The following CPNE3 variants were observed in gnomAD, a reference collection of about 807,000 sequenced individuals.
CPNE3 encodes the protein copine 3.
In CPNE3, 68 loss-of-function variants were observed where a neutral mutation model predicts 63.9. The observed-to-expected ratio is 1.06, with a 90% CI of 0.87 to 1.30. CPNE3 has a LOEUF of 1.30. CPNE3 is among the 50% of genes most tolerant of loss of function. The probability of loss-of-function intolerance (pLI) is 0.00; values close to 1 mark genes in which losing one functional copy is unlikely to be tolerated. For missense variants in CPNE3, 665 were observed against 578.1 expected (o/e 1.15, Z -1.54); for synonymous variants, 219 against 197.5 (o/e 1.11, Z -0.91).
chr8:86,514,641 C>T (rs1408991595), intron 1 of CPNE3, 100 bp downstream of exon 1: 1 of 152,228 alleles, frequency 6.6e-6, no homozygotes, highest in East Asian at 1.9e-4. Flanking sequence ...AGGATCCGAG[C>T]CCGCAGGCTC....
chr8:86,542,129 C>T (rs917384374), intron 8 of CPNE3, among the ~76,000 whole-genome samples: 2 of 152,192 alleles, frequency 1.3e-5, no homozygotes, highest in Non-Finnish European at 2.9e-5. Context: ...ATTCTTAAAA[C>T]TTTCTTGGTT....
At chr8:86,552,084 T>C (rs1222213631) in intron 14 of CPNE3, among the ~76,000 whole-genome samples, 2 of 152,062 alleles carry the variant, frequency 1.3e-5, no homozygotes, top group Non-Finnish European at 2.9e-5. Flanking sequence ...GACTAAAGAG[T>C]TTGGAGAAGG....
intron 16 of CPNE3, among the ~76,000 whole-genome samples, chr8:86,557,097 A>G (rs1020143045): frequency 6.6e-6 from 1 of 152,120 alleles, no homozygotes; most frequent in Non-Finnish European, 1.5e-5. Context: ...TCTCTGATAC[A>G]TAAGGCTACT....
At position 86,559,816 on chromosome 8, in the gene CPNE3, T is replaced by A. The variant is rs976292978; in HGVS notation, c.*1406T>A. On this transcript the variant is annotated 3_prime_UTR_variant, in exon 17 of 17. Transcript: ENST00000517490. ...TAATAATTTACCTTTTGAAATTGCATGTTTATCATATATCCTTAAGTGGAC... is the reference window on the plus strand; with the variant it reads ...TAATAATTTACCTTTTGAAATTGCAAGTTTATCATATATCCTTAAGTGGAC... The A allele has an allele frequency of 6.6e-6, 1 of 152,246 alleles. No homozygotes were observed. Among genetic ancestry groups the A allele is most frequent in the Admixed American group, 6.5e-5 (1 of 15,288 alleles). 9.4% of individuals were successfully genotyped at this position (152,246 alleles called of 1,614,324 possible). A position where few individuals can be genotyped will look rare whatever the true frequency, so the allele number is the denominator to read the frequency against.
At chr8:86,515,399 T>C (rs1820273603) in intron 1 of CPNE3, 63 bp from the exon 2 acceptor site, 1 of 152,226 alleles carries the variant, frequency 6.6e-6, no homozygotes, top group South Asian at 2.1e-4. Context: ...AGTTTTTATA[T>C]GTTAGGTTAT....
chr8:86,524,819 A>C (rs950885355), intron 2 of CPNE3: 3 of 120,526 alleles, frequency 2.5e-5, no homozygotes, highest in African/African-American at 6.1e-5. Flanking sequence ...CTACAGGTGC[A>C]TGCCACCTTG....
chr8:86,532,702 C>G lies in CPNE3; in HGVS notation c.459+122C>G, dbSNP rs191285369. On this transcript the variant is annotated intron_variant, in intron 6 of 16. Transcript: ENST00000517490. ...CATCACATAGGGTACTAGTTACTTTCAAATTTTGCATGTGTGTGTGTGTGT... is the reference window on the plus strand; with the variant it reads ...CATCACATAGGGTACTAGTTACTTTGAAATTTTGCATGTGTGTGTGTGTGT... The G allele has an allele frequency of 9.7e-5, 77 of 791,436 alleles. No individual in the cohort carries two copies. The African/African-American group carries it at 1.3e-3, about 14-fold the overall frequency. The allele number at this position is 791,436 out of a possible 1,614,324, so 49.0% of individuals were successfully genotyped here.
intron 7 of CPNE3, among the ~76,000 whole-genome samples, chr8:86,538,435 A>C (rs996917576): frequency 6.6e-6 from 1 of 152,188 alleles, no homozygotes; most frequent in Non-Finnish European, 1.5e-5. Context: ...CATTCTATAC[A>C]ATAATACTTG....
intron 8 of CPNE3, among the ~76,000 whole-genome samples, chr8:86,540,955 A>G (rs1241018273): frequency 6.6e-6 from 1 of 152,298 alleles, no homozygotes; most frequent in Non-Finnish European, 1.5e-5. Context: ...AAGAAAACTC[A>G]TGGAGTGGTG....
At chr8:86,557,205 A>G (rs1181351789) in intron 16 of CPNE3, among the ~76,000 whole-genome samples, 1 of 152,142 alleles carries the variant, frequency 6.6e-6, no homozygotes, top group African/African-American at 2.4e-5. Context: ...GCTGGAGTAC[A>G]GTACTGCAAC....
At chr8:86,529,202 A>G in intron 4 of CPNE3, 78 bp downstream of exon 4, 2 of 1,284,000 alleles carry the variant, frequency 1.6e-6, no homozygotes, top group Non-Finnish European at 2.2e-6. Flanking sequence ...GGTAAGCAGC[A>G]TTTAATTTTT....
chr8:86,517,502 T>C (rs541632993), intron 2 of CPNE3, among the ~76,000 whole-genome samples: 35 of 152,274 alleles, frequency 2.3e-4, no homozygotes, highest in African/African-American at 8.2e-4. Context: ...AAGAGGTACC[T>C]GCAACTGTAA....
rs533726540 is a variant in CPNE3, at chr8:86,520,427, C to T, written c.-11+4928C>T. ...AAAAATTAGCTGGGCGTGATGGCAG[C>T]GCCTGTAATCCCAGCAACTCAGGAG... On this transcript the variant is annotated intron_variant, in intron 2 of 16. Coordinates refer to ENST00000517490, the MANE Select transcript of CPNE3 (RefSeq NM_003909.5). 2.1e-3 allele frequency among the ~76,000 whole-genome samples: 302 copies of T among 145,682 alleles called. 3 individuals are homozygous for T. The highest frequency in any genetic ancestry group is 6.9e-3 in the Middle Eastern group (2 of 288).
At chr8:86,546,573 T>C (rs1821055501) in intron 9 of CPNE3, 22 bp from the exon 10 acceptor site, 3 of 1,602,368 alleles carry the variant, frequency 1.9e-6, no homozygotes, top group Non-Finnish European at 2.6e-6. Context: ...AAAAGTAACA[T>C]TTTTGTCTTC....
chr8:86,535,395 C>T (rs1416997561), intron 6 of CPNE3, among the ~76,000 whole-genome samples: 3 of 151,784 alleles, frequency 2.0e-5, no homozygotes, highest in Non-Finnish European at 4.4e-5. Context: ...AATTACTGGC[C>T]GGCCATGATG....
rs41333046 is a variant in CPNE3, at chr8:86,546,618, G to C, written c.756G>C (p.Glu252Asp). 0.018 allele frequency: 28,855 copies of C among 1,612,562 alleles called. 4,207 individuals are homozygous for C. In the African/African-American group the frequency reaches 0.33, roughly 18 times the overall value. The change falls in exon 10 of 17, where the codon GAG becomes GAC. Residue 252 changes from glutamate (E) to aspartate (D), a missense_variant. Physicochemically the swap from Glu to Asp is conservative, Grantham distance 45. Coordinates refer to ENST00000517490, the MANE Select transcript of CPNE3 (RefSeq NM_003909.5). ...AGGTTGAATTTGAATGCATAAATGA[G>C]AAAAAAAGGCAAAAGAAAAAAAGCT... ...SSPVEFECIN[E>D]KKRQKKKSYK...
intron 9 of CPNE3, 122 bp from the exon 10 acceptor site, chr8:86,546,473 G>C: frequency 1.1e-6 from 1 of 875,324 alleles, no homozygotes; most frequent in South Asian, 1.5e-5. Context: ...GTTATATTTT[G>C]CAACAGACCT....
At chr8:86,541,469 C>T (rs1193445231) in intron 8 of CPNE3, among the ~76,000 whole-genome samples, 4 of 152,038 alleles carry the variant, frequency 2.6e-5, no homozygotes, top group Middle Eastern at 3.4e-3. Context: ...TTTGGGAGGC[C>T]GAGGCGGGCA....
At chr8:86,521,825 T>G (rs1052671184) in intron 2 of CPNE3, 30 of 152,196 alleles carry the variant, frequency 2.0e-4, no homozygotes, top group African/African-American at 7.2e-4. Context: ...TCTGGGTCAA[T>G]CAATTCAGAC....
Sources: gnomAD v4.1 joint callset for allele counts (sites outside exome capture counted in the v4.1 genomes callset) on GRCh38, gnomAD v4.1.1 for gene constraint, MANE v1.5 for transcripts, NCBI Gene and HGNC (gene_info 2026-07-23, HGNC 2026-07-21) for gene names.